The following SPATA6 variants were observed in gnomAD, a reference collection of about 807,000 sequenced individuals.
SPATA6 encodes spermatogenesis associated 6.
SPATA6 carries 56 observed loss-of-function variants against 65.3 expected under a neutral mutation model. That is an observed-to-expected ratio of 0.86 (90% CI 0.69 to 1.07). SPATA6 has a LOEUF of 1.07. Ranked by LOEUF, SPATA6 falls within the 50% of genes least tolerant of loss-of-function variation. SPATA6 has a pLI of 0.00. For missense variants in SPATA6, 590 were observed against 594.8 expected (o/e 0.99, Z 0.08); for synonymous variants, 199 against 213.2 (o/e 0.93, Z 0.58).
chr1:48,305,542 G>A (rs1009219881), intron 12 of SPATA6, among the ~76,000 whole-genome samples: 12 of 152,148 alleles, frequency 7.9e-5, no homozygotes, highest in African/African-American at 2.9e-4. Context: ...TACACATTCT[G>A]AAGTATGTGA....
Position 48,301,548 on chromosome 1 carries a change from A to AC in SPATA6, c.1287-2656_1287-2655insG, listed in dbSNP as rs1471411941. On this transcript the variant is annotated intron_variant, in intron 12 of 12. Coordinates refer to ENST00000371847, the MANE Select transcript of SPATA6 (RefSeq NM_019073.4). Reference sequence around the variant, plus strand: ...TTGGAACCACACACACACACACACAAAAAAAAAAACTAGAATAGCCAAAGC... The same window carrying AC: ...TTGGAACCACACACACACACACACAACAAAAAAAAACTAGAATAGCCAAAGC... Among the ~76,000 whole-genome samples, 268 of 145,546 alleles carry AC rather than the reference A, an allele frequency of 1.8e-3. 4 individuals are homozygous for AC. In the South Asian group the frequency reaches 0.045, roughly 25 times the overall value.
chr1:48,405,820 G>A (rs1437731073), intron 5 of SPATA6, among the ~76,000 whole-genome samples: 1 of 151,966 alleles, frequency 6.6e-6, no homozygotes, highest in East Asian at 1.9e-4. Flanking sequence ...TTGTGCACAG[G>A]TTTAAAACCA....
At chr1:48,275,129 G>A in the SPATA6 span, among the ~76,000 whole-genome samples, 1 of 152,022 alleles carries the variant, frequency 6.6e-6, no homozygotes, top group Non-Finnish European at 1.5e-5. Flanking sequence ...CTCATGATTT[G>A]GCTCTCTGTT....
At chr1:48,442,617 G>C (rs897991000) in intron 3 of SPATA6, among the ~76,000 whole-genome samples, 1 of 147,162 alleles carries the variant, frequency 6.8e-6, no homozygotes, top group Non-Finnish European at 1.5e-5. Flanking sequence ...GAGAAAGAGA[G>C]AGACAGAAAG....
In SPATA6 at chr1:48,297,565, A is replaced by G. The variant is rs1644837270; in HGVS notation, c.*1148T>C. The G allele has an allele frequency of 6.6e-6, 1 of 152,202 alleles. No individual in the cohort carries two copies. The highest frequency in any genetic ancestry group is 1.5e-5 in the Non-Finnish European group (1 of 68,028). The allele number at this position is 152,202 out of a possible 1,614,324, so 9.4% of individuals were successfully genotyped here. The stretch of plus-strand genomic sequence containing the variant: ...CAATCATAACTGTAAAATTAATCAA[A>G]AACAGAGTCAATGAGAAAATATTAT... On this transcript the variant is annotated 3_prime_UTR_variant, in exon 13 of 13. Transcript: ENST00000371847.
chr1:48,314,445 G>A (rs1354004917), intron 11 of SPATA6, among the ~76,000 whole-genome samples: 10 of 151,940 alleles, frequency 6.6e-5, no homozygotes, highest in South Asian at 2.1e-4. Context: ...ATGACTACTG[G>A]GTACATAATG....
the SPATA6 span, among the ~76,000 whole-genome samples, chr1:48,280,425 T>A: frequency 6.6e-6 from 1 of 151,824 alleles, no homozygotes; most frequent in Non-Finnish European, 1.5e-5. Flanking sequence ...ACAAAATAGA[T>A]AGACTGCTAG....
chr1:48,280,680 G>A, the SPATA6 span, among the ~76,000 whole-genome samples: 1 of 152,130 alleles, frequency 6.6e-6, no homozygotes, highest in Non-Finnish European at 1.5e-5. Context: ...CCAAAATTGT[G>A]GCAATAATCA....
intron 3 of SPATA6, among the ~76,000 whole-genome samples, chr1:48,415,253 T>C (rs905419706): frequency 2.0e-5 from 3 of 152,230 alleles, no homozygotes; most frequent in African/African-American, 4.8e-5. Flanking sequence ...AGGACGTTGC[T>C]GGGCAGATGT....
the SPATA6 span, among the ~76,000 whole-genome samples, chr1:48,270,617 TA>T: frequency 1.7e-4 from 25 of 150,186 alleles, no homozygotes; most frequent in Admixed American, 6.6e-5. Context: ...GAAAATCAAA[TA>T]AAAAAAAGAT....
In SPATA6 at chr1:48,317,555, A is replaced by T. The variant is rs1386984990; in HGVS notation, c.1195-11677T>A. On this transcript the variant is annotated intron_variant, in intron 11 of 12. Coordinates refer to ENST00000371847, the MANE Select transcript of SPATA6 (RefSeq NM_019073.4). ...GGTGGGGGGAGAGGGGAGGGATAGC[A>T]TTAGGAGATATACCTAATGTTAAAT... Among the ~76,000 whole-genome samples, 4 of 152,330 alleles carry T rather than the reference A, an allele frequency of 2.6e-5. No individual in the cohort carries two copies. In the East Asian group the frequency reaches 7.7e-4, roughly 29 times the overall value.
chr1:48,384,524 T>C (rs1649251965), intron 9 of SPATA6, among the ~76,000 whole-genome samples: 2 of 151,904 alleles, frequency 1.3e-5, no homozygotes, highest in Admixed American at 6.6e-5. Flanking sequence ...CTTCTCAAAA[T>C]GTAGGACATG....
chr1:48,454,032 C>T (rs1300743351), intron 1 of SPATA6, among the ~76,000 whole-genome samples: 1 of 146,910 alleles, frequency 6.8e-6, no homozygotes, highest in Non-Finnish European at 1.5e-5. Context: ...TAGATGGGGT[C>T]TCGCTCTGTC....
intron 11 of SPATA6, among the ~76,000 whole-genome samples, chr1:48,313,945 G>T (rs2148675865): frequency 6.6e-6 from 1 of 152,254 alleles, no homozygotes; most frequent in Non-Finnish European, 1.5e-5. Context: ...AGACAAAGAA[G>T]CCCATTACAT....
intron 11 of SPATA6, among the ~76,000 whole-genome samples, chr1:48,308,598 C>A (rs944183572): frequency 6.6e-6 from 1 of 152,096 alleles, no homozygotes; most frequent in Admixed American, 6.6e-5. Context: ...TTCACTTCAT[C>A]CTGAAGAGCT....
At chr1:48,337,166 A>T (rs1553150025) in intron 11 of SPATA6, among the ~76,000 whole-genome samples, 1 of 151,896 alleles carries the variant, frequency 6.6e-6, no homozygotes, top group South Asian at 2.1e-4. Flanking sequence ...TAGCAAATTG[A>T]AACCAGTGAT....
At chr1:48,288,732 G>A in the SPATA6 span, among the ~76,000 whole-genome samples, 76 of 152,278 alleles carry the variant, frequency 5.0e-4, no homozygotes, top group African/African-American at 1.7e-3. Flanking sequence ...CCACACCCAC[G>A]GACCCTCACT....
chr1:48,420,353 G>A (rs966632213), intron 3 of SPATA6, among the ~76,000 whole-genome samples: 2 of 152,152 alleles, frequency 1.3e-5, no homozygotes, highest in Non-Finnish European at 2.9e-5. Flanking sequence ...AGCTTCGTAA[G>A]CTGCTCTAGC....
the SPATA6 span, chr1:48,262,295 T>C: frequency 6.6e-6 from 1 of 152,140 alleles, no homozygotes; most frequent in Non-Finnish European, 1.5e-5. Context: ...GGATTTTATA[T>C]TTAAGTCTTA....
Sources: gnomAD v4.1 joint callset for allele counts (sites outside exome capture counted in the v4.1 genomes callset) on GRCh38, gnomAD v4.1.1 for gene constraint, MANE v1.5 for transcripts, NCBI Gene and HGNC (gene_info 2026-07-23, HGNC 2026-07-21) for gene names.